The following MCM5 variants were observed in gnomAD, a reference collection of about 807,000 sequenced individuals.
MCM5 encodes DNA replication licensing factor MCM5.
In MCM5, 46 loss-of-function variants were observed where a neutral mutation model predicts 79.9. The observed-to-expected ratio is 0.58, with a 90% confidence interval of 0.45 to 0.74. MCM5 has a LOEUF of 0.74. MCM5 is among the 30% of genes least tolerant of loss of function. The probability of loss-of-function intolerance (pLI) is 0.00; values close to 1 mark genes in which losing one functional copy is unlikely to be tolerated. For missense variants in MCM5, 883 were observed against 1,017.0 expected, an observed-to-expected ratio of 0.87 and a Z score of 1.79; for synonymous variants, 404 against 390.5, an observed-to-expected ratio of 1.03 and a Z score of -0.41.
At chr22:35,404,695 C>T (rs1178479617) in intron 4 of MCM5, among the ~76,000 whole-genome samples, 1 of 152,136 alleles carries the variant, frequency 6.6e-6, no homozygotes, top group Non-Finnish European at 1.5e-5. Flanking sequence ...TCCGCCTCCC[C>T]AGCCTCGCTT....
In MCM5 at chr22:35,403,417, G is replaced by T; in HGVS notation, c.298G>T (p.Glu100Ter). Reference sequence around the variant, plus strand: ...CTGTGCCCTTCCCTTTCTCCAGCTGGAGGAAGCTGCCAAGGAGGTAGCTGA... The same window carrying T: ...CTGTGCCCTTCCCTTTCTCCAGCTGTAGGAAGCTGCCAAGGAGGTAGCTGA... ...KQPAEHLQLLEEAAKEVADEV... is the reference protein window; with the variant it reads ...KQPAEHLQLL Residue 100 changes from glutamate (E) to a stop codon, truncating the protein, a stop_gained, in exon 4 of 17, where the codon GAG (glutamate) becomes TAG (stop). Coordinates refer to ENST00000216122, the MANE Select transcript of MCM5 (RefSeq NM_006739.4). LOFTEE classifies it high-confidence loss of function. 6.2e-7 allele frequency: 1 copy of T among 1,614,206 alleles called. No homozygotes were observed. The highest frequency in any genetic ancestry group is 8.5e-7 in the Non-Finnish European group (1 of 1,180,034).
chr22:35,413,921 C>G lies in MCM5; in HGVS notation c.1138C>G (p.Leu380Val). The change falls in exon 9 of 17, where the codon CTA becomes GTA. Residue 380 changes from leucine (L) to valine (V), a missense_variant. Around this residue, in one of 3 missense-constraint regions of MCM5, gnomAD observed 2 missense variants for 17.2 expected, o/e 0.12. Coordinates refer to ENST00000216122, the MANE Select transcript of MCM5 (RefSeq NM_006739.4). Reference protein sequence around the residue: ...TRRGDINLLMLGDPGTAKSQL... With the variant: ...TRRGDINLLMVGDPGTAKSQL... ...CCGAGGAGACATCAACCTGCTGATG[C>G]TAGGGGACCCTGGGACAGCCAAGTC... 4 of 1,614,090 alleles carry G rather than the reference C, an allele frequency of 2.5e-6. No individual in the cohort carries two copies. Among genetic ancestry groups the G allele is most frequent in the Non-Finnish European group, 3.4e-6 (4 of 1,179,958 alleles).
the MCM5 span, among the ~76,000 whole-genome samples, chr22:35,444,165 A>AGG: frequency 1.9e-5 from 1 of 53,462 alleles, no homozygotes; most frequent in Non-Finnish European, 3.8e-5. Context: ...ACTGACAGGC[A>AGG]GGAGAGAGAG....
the MCM5 span, among the ~76,000 whole-genome samples, chr22:35,450,814 C>T: frequency 6.6e-6 from 1 of 152,110 alleles, no homozygotes; most frequent in African/African-American, 2.4e-5. Context: ...GAGAAAAACC[C>T]GGGTCCATCT....
At chr22:35,424,056 G>T in intron 16 of MCM5, 98 bp from the exon 17 acceptor site, 1 of 741,170 alleles carries the variant, frequency 1.3e-6, no homozygotes, top group Non-Finnish European at 2.3e-6. Context: ...GGTCAAAGGA[G>T]CCTGAGTACA....
At position 35,403,491 on chromosome 22, in the gene MCM5, CCAGGT is replaced by C. The variant is rs757924882; in HGVS notation, c.375_379del (p.Gln125HisfsTer13). The C allele has an allele frequency of 6.2e-7, 1 of 1,614,156 alleles. No individual in the cohort carries two copies. Among genetic ancestry groups the C allele is most frequent in the South Asian group, 1.1e-5 (1 of 91,082 alleles). On this transcript the variant is annotated frameshift_variant, in exon 4 of 17. Coordinates refer to ENST00000216122, the MANE Select transcript of MCM5 (RefSeq NM_006739.4). LOFTEE classifies it high-confidence loss of function. ...CTGGGGAGGAGGTGCTCCAGGACAT[CCAGGT>C]CATGCTCAAGTCGGACGCCAGCCCT... is the stretch of plus-strand genomic sequence containing the variant.
In MCM5 at chr22:35,412,607, C is replaced by T. The variant is rs143665117; in HGVS notation, c.1017C>T (p.Ile339=). 189 of 1,585,892 alleles carry T rather than the reference C, an allele frequency of 1.2e-4. 1 individual carries two copies. Among genetic ancestry groups the T allele is most frequent in the Middle Eastern group, 1.7e-4 (1 of 5,972 alleles). The part of the protein sequence containing the change: ...PNVYEVISKS[I]APSIFGGTDM... ...TCTATGAGGTCATCTCCAAGAGCATCGCCCCCTCCATCTTTGGGGGCACAG... is the reference window on the plus strand; with the variant it reads ...TCTATGAGGTCATCTCCAAGAGCATTGCCCCCTCCATCTTTGGGGGCACAG... The change falls in exon 8 of 17, where the codon ATC becomes ATT. Residue 339 remains isoleucine, a synonymous_variant. Transcript: ENST00000216122.
the MCM5 span, among the ~76,000 whole-genome samples, chr22:35,448,926 C>T: frequency 2.6e-5 from 4 of 152,288 alleles, no homozygotes; most frequent in Non-Finnish European, 4.4e-5. Flanking sequence ...GAATGGGGAC[C>T]TGTAATGCCC....
Position 35,421,458 on chromosome 22 carries a change from CAG to C in MCM5, c.1974_1975del (p.Val660GlyfsTer31), listed in dbSNP as rs1332072838. 2 of 1,614,118 alleles carry C rather than the reference CAG, an allele frequency of 1.2e-6. No homozygotes were observed. The highest frequency in any genetic ancestry group is 1.7e-6 in the Non-Finnish European group (2 of 1,180,022). On this transcript the variant is annotated frameshift_variant and splice_region_variant, in exon 15 of 17. Coordinates refer to ENST00000216122, the MANE Select transcript of MCM5 (RefSeq NM_006739.4). LOFTEE classifies it high-confidence loss of function. ...GATGCTGCCTTGTCCGGTACCCTGTCAGGTGAGCAGATGCAGGGGCCATGGTC... is the reference window on the plus strand; with the variant it reads ...GATGCTGCCTTGTCCGGTACCCTGTCGTGAGCAGATGCAGGGGCCATGGTC...
rs1452164267 is a variant in MCM5, at chr22:35,416,815, G to A, written c.1590+1G>A. On this transcript the variant is annotated splice_donor_variant, in intron 12 of 16. Coordinates refer to ENST00000216122, the MANE Select transcript of MCM5 (RefSeq NM_006739.4). LOFTEE classifies it high-confidence loss of function. ...TGAGCACAATGAGGAGAGGGATGTG[G>A]TACGTCCAGGGGCAGGGCTGGTGGC... The A allele has an allele frequency of 6.2e-7, 1 of 1,613,318 alleles. No homozygotes were observed. Among genetic ancestry groups the A allele is most frequent in the Non-Finnish European group, 8.5e-7 (1 of 1,179,902 alleles).
the MCM5 span, among the ~76,000 whole-genome samples, chr22:35,443,197 A>AG: frequency 6.6e-6 from 1 of 151,864 alleles, no homozygotes; most frequent in East Asian, 1.9e-4. Flanking sequence ...GTGCAAAAAA[A>AG]TTTTTTTTAC....
intron 2 of MCM5, 118 bp downstream of exon 2, chr22:35,400,723 CGGTCCTG>C: frequency 1.7e-6 from 2 of 1,154,904 alleles, no homozygotes; most frequent in Non-Finnish European, 1.2e-6. Context: ...GGGAAAGAGC[CGGTCCTG>C]GGTCACAGGG....
the MCM5 span, among the ~76,000 whole-genome samples, chr22:35,433,363 G>T: frequency 6.6e-6 from 1 of 152,154 alleles, no homozygotes; most frequent in Non-Finnish European, 1.5e-5. Context: ...CCACCATCCA[G>T]CCTTCAGATG....
Position 35,408,511 on chromosome 22 carries a change from G to T in MCM5, c.700G>T (p.Asp234Tyr). The T allele has an allele frequency of 6.2e-7, 1 of 1,614,208 alleles. No individual in the cohort carries two copies. The highest frequency in any genetic ancestry group is 8.5e-7 in the Non-Finnish European group (1 of 1,180,026). Residue 234 changes from aspartate (D) to tyrosine (Y), a missense_variant, in exon 6 of 17, where the codon GAT (aspartate) becomes TAT (tyrosine). Physicochemically the swap from Asp to Tyr is radical, Grantham distance 160. Transcript: ENST00000216122. ...FQTLKLQELP[D>Y]AVPHGEMPRH... ...GACCCTGAAGCTGCAGGAGCTGCCTGATGCAGTCCCCCACGGGGAGATGCC... is the reference window on the plus strand; with the variant it reads ...GACCCTGAAGCTGCAGGAGCTGCCTTATGCAGTCCCCCACGGGGAGATGCC...
rs1055820825 is a variant in MCM5 at position 35,412,819 on chromosome 22, C to T, written c.1091+138C>T. 9 of 739,688 alleles carry T rather than the reference C, an allele frequency of 1.2e-5. No individual in the cohort carries two copies. The African/African-American group carries it at 1.6e-4, about 13-fold the overall frequency. 45.8% of individuals were successfully genotyped at this position (739,688 alleles called of 1,614,324 possible). On this transcript the variant is annotated intron_variant, in intron 8 of 16. Coordinates refer to ENST00000216122, the MANE Select transcript of MCM5 (RefSeq NM_006739.4). ...TCAGTCTGCCAGGCACCTTTGCCAGCCCCCAAGCTTGCCATCAGCTGGCTA... is the reference window on the plus strand; with the variant it reads ...TCAGTCTGCCAGGCACCTTTGCCAGTCCCCAAGCTTGCCATCAGCTGGCTA...
At chr22:35,434,183 C>A in the MCM5 span, among the ~76,000 whole-genome samples, 11 of 152,094 alleles carry the variant, frequency 7.2e-5, no homozygotes, top group Non-Finnish European at 1.6e-4. Context: ...GAGGCAGGAG[C>A]CCTGGCATCT....
the MCM5 span, among the ~76,000 whole-genome samples, chr22:35,453,805 T>TAC: frequency 1.1e-5 from 1 of 92,736 alleles, no homozygotes; most frequent in African/African-American, 5.0e-5. Flanking sequence ...AAAAGATATA[T>TAC]ATATATATAT....
downstream of MCM5, among the ~76,000 whole-genome samples, chr22:35,429,542 CT>C (rs1212636597): frequency 1.5e-4 from 22 of 147,730 alleles, no homozygotes; most frequent in East Asian, 2.0e-4. Context: ...TTTGTTCTTC[CT>C]TTTTTTTTTA....
rs1302832776 is a variant in MCM5 at position 35,403,341 on chromosome 22, G to A, written c.294+8G>A. ...GCCGAGCACCTGCAGCTGGTGAGTG[G>A]GACCCCATCCCTGAGCTTCCCAGGG... On this transcript the variant is annotated splice_region_variant and intron_variant, in intron 3 of 16. Coordinates refer to ENST00000216122, the MANE Select transcript of MCM5 (RefSeq NM_006739.4). 4 of 1,613,996 alleles carry A rather than the reference G, an allele frequency of 2.5e-6. No individual in the cohort carries two copies. The highest frequency in any genetic ancestry group is 3.4e-6 in the Non-Finnish European group (4 of 1,180,024).
Sources: allele counts gnomAD v4.1 joint callset (sites outside exome capture counted in the v4.1 genomes callset), GRCh38; gene constraint gnomAD v4.1.1; regional missense constraint gnomAD v4.1.1; transcripts MANE v1.5; gene names NCBI Gene and HGNC (gene_info 2026-07-23, HGNC 2026-07-21).